VCL: variants seen among roughly 807,000 people sequenced by gnomAD.
The protein encoded by VCL is vinculin, also known as epididymis luminal protein 114.
A neutral mutation model predicts 125.7 loss-of-function variants in VCL; 47 were observed. The observed-to-expected ratio is 0.37, with a 90% CI of 0.30 to 0.48. VCL has a LOEUF of 0.48. VCL is among the 20% of genes least tolerant of loss of function. The probability of loss-of-function intolerance (pLI) is 0.99; values close to 1 mark genes in which losing one functional copy is unlikely to be tolerated. For missense variants in VCL, 1,069 were observed against 1,455.5 expected (o/e 0.73, Z 4.32); for synonymous variants, 458 against 514.6 (o/e 0.89, Z 1.49).
intron 1 of VCL, among the ~76,000 whole-genome samples, chr10:74,042,412 C>CT (rs536966640): frequency 6.6e-5 from 10 of 152,098 alleles, no homozygotes; most frequent in South Asian, 2.1e-4. Context: ...CCAGGTATGA[C>CT]TTTTTTTATG....
At chr10:73,999,020 A>T (rs1387435687) in intron 1 of VCL, among the ~76,000 whole-genome samples, 1 of 149,176 alleles carries the variant, frequency 6.7e-6, no homozygotes, top group Non-Finnish European at 1.5e-5. Flanking sequence ...ACTTATGCTC[A>T]CTCCTCTGGC....
chr10:74,036,755 T>G (rs1354890713), intron 1 of VCL, among the ~76,000 whole-genome samples: 1 of 151,898 alleles, frequency 6.6e-6, no homozygotes, highest in African/African-American at 2.4e-5. Flanking sequence ...CTGACCTGTT[T>G]GCAAAGTTGT....
intron 1 of VCL, among the ~76,000 whole-genome samples, chr10:74,013,609 A>G (rs1347439160): frequency 6.6e-6 from 1 of 152,072 alleles, no homozygotes; most frequent in Non-Finnish European, 1.5e-5. Flanking sequence ...ATAATCGTTA[A>G]GCATTAAACT....
At chr10:74,040,300 G>A (rs1841070809) in intron 1 of VCL, among the ~76,000 whole-genome samples, 1 of 152,064 alleles carries the variant, frequency 6.6e-6, no homozygotes, top group Admixed American at 6.6e-5. Context: ...TACCTAAACA[G>A]TACCTGGCTC....
chr10:74,089,392 A>G (rs541764877), intron 9 of VCL, 43 bp downstream of exon 9: 2 of 1,610,124 alleles, frequency 1.2e-6, no homozygotes, highest in Non-Finnish European at 1.7e-6. Context: ...ATATTTCATA[A>G]ATATCCTAAG....
At chr10:74,022,846 G>C (rs1364085469) in intron 1 of VCL, among the ~76,000 whole-genome samples, 1 of 151,816 alleles carries the variant, frequency 6.6e-6, no homozygotes, top group African/African-American at 2.4e-5. Flanking sequence ...TCGCCATGTT[G>C]GCCAGGCTGG....
At chr10:74,081,672 T>C (rs80127811) in intron 6 of VCL, among the ~76,000 whole-genome samples, 2,794 of 152,334 alleles carry the variant, frequency 0.018, 43 homozygotes, top group Middle Eastern at 0.037. Context: ...TTTAAAGTGA[T>C]TAGTCTGTTG....
intron 2 of VCL, among the ~76,000 whole-genome samples, chr10:74,055,754 A>C (rs1277836500): frequency 6.6e-6 from 1 of 152,166 alleles, no homozygotes; most frequent in African/African-American, 2.4e-5. Flanking sequence ...TTGTATACTC[A>C]GTCTATTTCT....
At chr10:74,001,364 T>TA (rs1840221451) in intron 1 of VCL, among the ~76,000 whole-genome samples, 1 of 152,182 alleles carries the variant, frequency 6.6e-6, no homozygotes, top group Non-Finnish European at 1.5e-5. Context: ...AGGGTCTTGT[T>TA]ATGTTGCCCA....
intron 1 of VCL, among the ~76,000 whole-genome samples, chr10:74,011,003 C>G (rs1436978541): frequency 6.6e-6 from 1 of 151,494 alleles, no homozygotes; most frequent in African/African-American, 2.4e-5. Flanking sequence ...AACCCCATCT[C>G]TACTAAAAAT....
chr10:74,072,916 G>A, intron 5 of VCL, 64 bp downstream of exon 5: 1 of 1,600,668 alleles, frequency 6.2e-7, no homozygotes. Flanking sequence ...AAACTCTGAG[G>A]TTCATTTTGT....
intron 20 of VCL, 72 bp from the exon 21 acceptor site, chr10:74,114,723 G>A (rs963600423): frequency 6.8e-7 from 1 of 1,468,992 alleles, no homozygotes; most frequent in East Asian, 2.4e-5. Flanking sequence ...ACAGAGGTAG[G>A]TAAGTCTTGC....
rs1564513417 is a variant in VCL, at chr10:74,032,708, A to AT, written c.169-10375_169-10374insT. ...AAGTAAGTCTCGGTCTCAAAAAAAA[A>AT]AATATATATATATATATATATATTG... On this transcript the variant is annotated intron_variant, in intron 1 of 21. Transcript: ENST00000211998. 1.4e-4 allele frequency among the ~76,000 whole-genome samples: 12 copies of AT among 87,542 alleles called. No homozygotes were observed. The East Asian group carries it at 1.9e-3, about 14-fold the overall frequency. The allele number at this position is 87,542 out of a possible 152,430, so 57.4% of individuals were successfully genotyped here.
At chr10:74,024,367 T>TAGGCA (rs1840731378) in intron 1 of VCL, among the ~76,000 whole-genome samples, 1 of 152,150 alleles carries the variant, frequency 6.6e-6, no homozygotes, top group Non-Finnish European at 1.5e-5. Flanking sequence ...TCCCAGCATT[T>TAGGCA]TGGGAGGCCA....
At chr10:74,107,404 T>G (rs2131931595) in intron 17 of VCL, 50 bp downstream of exon 17, 1 of 1,613,902 alleles carries the variant, frequency 6.2e-7, no homozygotes, top group Non-Finnish European at 8.5e-7. Flanking sequence ...TGTTGAGACT[T>G]CAGCAAGAGA....
At chr10:74,065,200 G>A (rs547962656) in intron 2 of VCL, among the ~76,000 whole-genome samples, 2 of 149,712 alleles carry the variant, frequency 1.3e-5, no homozygotes, top group Admixed American at 1.3e-4. Context: ...GCAGTGGCGT[G>A]ATCTTGGCTC....
chr10:74,105,514 C>G (rs893089174), intron 16 of VCL, among the ~76,000 whole-genome samples, 161 bp downstream of exon 16: 15 of 152,156 alleles, frequency 9.9e-5, no homozygotes, highest in African/African-American at 3.6e-4. Context: ...CCATCCAAGT[C>G]TCTGCAGTTA....
intron 2 of VCL, among the ~76,000 whole-genome samples, chr10:74,051,825 G>C (rs1251545549): frequency 6.6e-6 from 1 of 152,146 alleles, no homozygotes; most frequent in Non-Finnish European, 1.5e-5. Flanking sequence ...AGGGTTCTTG[G>C]CTTTTCCTAG....
intron 7 of VCL, 103 bp downstream of exon 7, chr10:74,082,647 A>T (rs553376798): frequency 1.6e-6 from 2 of 1,213,992 alleles, no homozygotes; most frequent in East Asian, 4.9e-5. Context: ...TGAGAGAACT[A>T]CTGTAACATT....
Sources: gnomAD v4.1 joint callset for allele counts (sites outside exome capture counted in the v4.1 genomes callset) on GRCh38, gnomAD v4.1.1 for gene constraint, MANE v1.5 for transcripts, NCBI Gene and HGNC (gene_info 2026-07-23, HGNC 2026-07-21) for gene names.